Variants in URB2 observed in about 807,000 individuals in gnomAD.
The protein encoded by URB2 is URB2 ribosome biogenesis homolog, also known as unhealthy ribosome biogenesis protein 2 homolog.
A neutral mutation model predicts 120.9 loss-of-function variants in URB2; 86 were observed. That is an observed-to-expected ratio of 0.71 (90% CI 0.60 to 0.85). The LOEUF (loss-of-function observed/expected upper bound fraction) is 0.85. Among genes scored for constraint, URB2 ranks in the 40% least tolerant of loss-of-function variants. The pLI is 0.00. For synonymous variants in URB2, 755 were observed against 758.4 expected, an observed-to-expected ratio of 1.00 and a Z score of 0.07; for missense variants, 1,765 against 1,836.5, an observed-to-expected ratio of 0.96 and a Z score of 0.71.
chr1:229,656,593 G>C (rs1353094173), intron 9 of URB2, among the ~76,000 whole-genome samples: 1 of 152,184 alleles, frequency 6.6e-6, no homozygotes, highest in Non-Finnish European at 1.5e-5. Context: ...TTCTAGACCA[G>C]CGTGTTTAAG....
In URB2 at chr1:229,635,533, T is replaced by C; in HGVS notation, c.920T>C (p.Leu307Pro). ...GTTGTGGCCAACTCAGTGGCCTTGC[T>C]GTATAAGCTCTTTCTAGATTCTTAC... ...TSVVANSVAL[L>P]YKLFLDSYFK... The change falls in exon 4 of 10, where the codon CTG becomes CCG. Residue 307 changes from leucine (L) to proline (P), a missense_variant. Physicochemically the swap from Leu to Pro is moderately conservative, Grantham distance 98 (BLOSUM62 -3). Transcript: ENST00000258243. The C allele has an allele frequency of 6.2e-7, 1 of 1,614,138 alleles. No homozygotes were observed. The highest frequency in any genetic ancestry group is 8.5e-7 in the Non-Finnish European group (1 of 1,180,012).
chr1:229,641,469 G>A (rs1191684883), intron 4 of URB2, among the ~76,000 whole-genome samples: 1 of 152,132 alleles, frequency 6.6e-6, no homozygotes, highest in Non-Finnish European at 1.5e-5. Context: ...GTGTTGCTGT[G>A]TCCAGGCCTC....
At position 229,635,991 on chromosome 1, in the gene URB2, T is replaced by C. The variant is rs1351292141; in HGVS notation, c.1378T>C (p.Tyr460His). ...GCTTATTCGTACTGTCTTCCAGACT[T>C]ATGCCAAACTCCGACAAGTGCCACG... is the stretch of plus-strand genomic sequence containing the variant. ...EALIRTVFQT[Y>H]AKLRQVPRLF... Residue 460 changes from tyrosine to histidine, a missense_variant, in exon 4 of 10, where the codon TAT becomes CAT. Tyr to His is a moderately conservative substitution (Grantham distance 83). Coordinates refer to ENST00000258243, the MANE Select transcript of URB2 (RefSeq NM_014777.4). 1 of 1,613,926 alleles carries C rather than the reference T, an allele frequency of 6.2e-7. No homozygotes were observed. The highest frequency in any genetic ancestry group is 8.5e-7 in the Non-Finnish European group (1 of 1,179,818).
At chr1:229,626,694 C>T (rs535365507) in intron 1 of URB2, among the ~76,000 whole-genome samples, 1 of 152,330 alleles carries the variant, frequency 6.6e-6, no homozygotes, top group South Asian at 2.1e-4. Context: ...CCCGGAGAGC[C>T]GAACTCTGGC....
At position 229,636,242 on chromosome 1, in the gene URB2, C is replaced by A. The variant is rs1489882397; in HGVS notation, c.1629C>A (p.Ser543Arg). Residue 543 changes from serine (S) to arginine (R), a missense_variant, in exon 4 of 10, where the codon AGC becomes AGA. Coordinates refer to ENST00000258243, the MANE Select transcript of URB2 (RefSeq NM_014777.4). ...TGGCCCTGAAATCACTGTCACTGAG[C>A]TTGCTGCTGCACTGCATCATGTTCA... Reference protein sequence around the residue: ...ADMALKSLSLSLLLHCIMFNM... With the variant: ...ADMALKSLSLRLLLHCIMFNM... 1.9e-6 allele frequency: 3 copies of A among 1,613,316 alleles called. No individual in the cohort carries two copies. The East Asian group carries it at 6.7e-5, about 36-fold the overall frequency.
At position 229,635,612 on chromosome 1, in the gene URB2, C is replaced by A; in HGVS notation, c.999C>A (p.Gly333=). 6.2e-7 allele frequency: 1 copy of A among 1,614,076 alleles called. No homozygotes were observed. Among genetic ancestry groups the A allele is most frequent in the Non-Finnish European group, 8.5e-7 (1 of 1,180,026 alleles). ...LCFQVLPRLF[G]CLKISHLQEE... Reference sequence around the variant, plus strand: ...TCCAGGTTCTCCCCAGGTTGTTTGGCTGCTTGAAGATTTCACACCTGCAGG... The same window carrying A: ...TCCAGGTTCTCCCCAGGTTGTTTGGATGCTTGAAGATTTCACACCTGCAGG... Residue 333 remains glycine (G), a synonymous_variant, in exon 4 of 10, where the codon GGC becomes GGA. Transcript: ENST00000258243.
Position 229,635,253 on chromosome 1 carries a change from G to C in URB2, c.640G>C (p.Gly214Arg). Reference protein sequence around the residue: ...PCLVLRHLLSGGTWTQAGQGQ... With the variant: ...PCLVLRHLLSRGTWTQAGQGQ... ...CCTGGTCCTGAGGCACTTACTCTCT[G>C]GGGGCACATGGACGCAGGCTGGCCA... is the stretch of plus-strand genomic sequence containing the variant. Residue 214 changes from glycine (G) to arginine (R), a missense_variant, in exon 4 of 10, where the codon GGG becomes CGG. Physicochemically the swap from Gly to Arg is moderately radical, Grantham distance 125. Coordinates refer to ENST00000258243, the MANE Select transcript of URB2 (RefSeq NM_014777.4). 1.2e-6 allele frequency: 2 copies of C among 1,614,218 alleles called. No homozygotes were observed. Among genetic ancestry groups the C allele is most frequent in the Non-Finnish European group, 1.7e-6 (2 of 1,180,050 alleles).
chr1:229,634,455 T>C (rs560477334), intron 3 of URB2, among the ~76,000 whole-genome samples: 2 of 152,334 alleles, frequency 1.3e-5, no homozygotes, highest in Admixed American at 1.3e-4. Flanking sequence ...TCCGCCTGCC[T>C]CGGCCTCTCA....
At chr1:229,652,510 A>C (rs150920409) in intron 8 of URB2, among the ~76,000 whole-genome samples, 12 of 152,248 alleles carry the variant, frequency 7.9e-5, no homozygotes, top group Non-Finnish European at 1.8e-4. Flanking sequence ...CTAGGCTTCA[A>C]TTCCTCTGCC....
At chr1:229,641,419 G>A (rs1297927555) in intron 4 of URB2, among the ~76,000 whole-genome samples, 1 of 152,154 alleles carries the variant, frequency 6.6e-6, no homozygotes. Context: ...GTTGGGCAAG[G>A]CCAGCCTGCC....
Position 229,643,656 on chromosome 1 carries a change from G to T in URB2, c.3758G>T (p.Gly1253Val). The T allele has an allele frequency of 6.2e-7, 1 of 1,614,176 alleles. No homozygotes were observed. The highest frequency in any genetic ancestry group is 8.5e-7 in the Non-Finnish European group (1 of 1,180,036). ...CTGGTGATGCAGTGTATTCTCCAGG[G>T]ACTGGATGTCAGTAACATGTGGAAA... is the stretch of plus-strand genomic sequence containing the variant. ...LRLVMQCILQ[G>V]LDVSNMWKAD... The change falls in exon 5 of 10, where the codon GGA becomes GTA. Residue 1253 changes from glycine to valine, a missense_variant. By Grantham distance (109) the Gly-to-Val change is moderately radical. Coordinates refer to ENST00000258243, the MANE Select transcript of URB2 (RefSeq NM_014777.4).
chr1:229,636,984 A>C lies in URB2; in HGVS notation c.2371A>C (p.Ile791Leu). 6.2e-7 allele frequency: 1 copy of C among 1,614,112 alleles called. No homozygotes were observed. Among genetic ancestry groups the C allele is most frequent in the Non-Finnish European group, 8.5e-7 (1 of 1,180,046 alleles). Reference sequence around the variant, plus strand: ...AGAGGCATACATCACACTGGAAAAAATATCCAAAGCCTTCCTTCATAGCCC... The same window carrying C: ...AGAGGCATACATCACACTGGAAAAACTATCCAAAGCCTTCCTTCATAGCCC... ...DEEAYITLEKISKAFLHSPLF... is the reference protein window; with the variant it reads ...DEEAYITLEKLSKAFLHSPLF... Residue 791 changes from isoleucine to leucine, a missense_variant, in exon 4 of 10, where the codon ATA (isoleucine) becomes CTA (leucine). By Grantham distance (5) the Ile-to-Leu change is conservative (BLOSUM62 2). Transcript: ENST00000258243.
chr1:229,647,530 TCAG>T lies in URB2; in HGVS notation c.3928_3930del (p.Gln1310del). 1 of 1,613,876 alleles carries T rather than the reference TCAG, an allele frequency of 6.2e-7. No homozygotes were observed. The highest frequency in any genetic ancestry group is 8.5e-7 in the Non-Finnish European group (1 of 1,179,794). ...TTTAGCTCTTAAACCGAGAAGCTTC[TCAG>T]GAGCAGCCTGTGTCCCTCACAGTGG... On this transcript the variant is annotated inframe_deletion, in exon 7 of 10. Coordinates refer to ENST00000258243, the MANE Select transcript of URB2 (RefSeq NM_014777.4).
chr1:229,636,602 A>G lies in URB2; in HGVS notation c.1989A>G (p.Thr663=). The change falls in exon 4 of 10, where the codon ACA becomes ACG. Residue 663 remains threonine, a synonymous_variant. Coordinates refer to ENST00000258243, the MANE Select transcript of URB2 (RefSeq NM_014777.4). ...TQHWKKIEKF[T]AQFSSLGTYC... is the part of the protein sequence containing the mutation. ...ATTGGAAGAAGATAGAGAAGTTTAC[A>G]GCTCAGTTCAGCTCTCTTGGTACAT... 1 of 1,614,238 alleles carries G rather than the reference A, an allele frequency of 6.2e-7. No homozygotes were observed. Among genetic ancestry groups the G allele is most frequent in the Non-Finnish European group, 8.5e-7 (1 of 1,180,030 alleles).
At chr1:229,627,939 A>AT (rs1158309023) in intron 2 of URB2, among the ~76,000 whole-genome samples, 180 bp downstream of exon 2, 80 of 147,858 alleles carry the variant, frequency 5.4e-4, no homozygotes, top group Non-Finnish European at 8.4e-4. Context: ...TCATTAATAC[A>AT]TTTTTTTTTT....
chr1:229,638,339 T>C, intron 4 of URB2, 92 bp downstream of exon 4: 3 of 1,385,420 alleles, frequency 2.2e-6, no homozygotes, highest in Non-Finnish European at 2.9e-6. Context: ...GAACACGTGA[T>C]GTGTTCAAAA....
intron 4 of URB2, among the ~76,000 whole-genome samples, chr1:229,641,981 G>C (rs1666023663): frequency 6.6e-6 from 1 of 152,164 alleles, no homozygotes; most frequent in Non-Finnish European, 1.5e-5. Flanking sequence ...CTGCACTCCA[G>C]CCTGGGTGAT....
At chr1:229,651,898 C>T (rs1666282985) in intron 8 of URB2, among the ~76,000 whole-genome samples, 1 of 151,978 alleles carries the variant, frequency 6.6e-6, no homozygotes, top group South Asian at 2.1e-4. Context: ...TTAAAAATTG[C>T]TGGCCGGGCG....
At chr1:229,634,782 ATGGTAATC>A (rs1665749765) in intron 3 of URB2, 127 bp from the exon 4 acceptor site, 1 of 769,862 alleles carries the variant, frequency 1.3e-6, no homozygotes, top group Non-Finnish European at 1.9e-6. Flanking sequence ...TCATTGAAAT[ATGGTAATC>A]TGGGCATTTC....
Sources: allele counts gnomAD v4.1 joint callset (sites outside exome capture counted in the v4.1 genomes callset), GRCh38; gene constraint gnomAD v4.1.1; transcripts MANE v1.5; gene names NCBI Gene and HGNC (gene_info 2026-07-23, HGNC 2026-07-21).